The following KLRG1 variants were observed in gnomAD, a reference collection of about 807,000 sequenced individuals.
KLRG1 encodes the protein killer cell lectin like receptor G1, also known as killer cell lectin-like receptor subfamily G member 1.
A neutral mutation model predicts 21.8 loss-of-function variants in KLRG1; 16 were observed. That is an observed-to-expected ratio of 0.73 (90% CI 0.50 to 1.11). KLRG1 has a LOEUF of 1.11. Ranked by LOEUF, KLRG1 falls within the 50% of genes most tolerant of loss-of-function variation. The pLI, the probability that KLRG1 is intolerant of heterozygous loss-of-function variation, is 0.00. For missense variants in KLRG1, 173 were observed against 218.3 expected (o/e 0.79, Z 1.31); for synonymous variants, 69 against 75.9 (o/e 0.91, Z 0.47).
At chr12:8,965,213 A>G (rs1592240397) in intron 1 of KLRG1, among the ~76,000 whole-genome samples, 1 of 152,192 alleles carries the variant, frequency 6.6e-6, no homozygotes, top group East Asian at 1.9e-4. Flanking sequence ...ATCTATGACA[A>G]ACCCACAGCT....
chr12:9,188,769 C>G, the KLRG1 span, among the ~76,000 whole-genome samples: 15 of 152,292 alleles, frequency 9.8e-5, no homozygotes, highest in African/African-American at 3.1e-4. Context: ...CAAGCAATCC[C>G]ATTCACAATT....
chr12:9,132,698 A>G, the KLRG1 span, among the ~76,000 whole-genome samples: 2 of 152,140 alleles, frequency 1.3e-5, no homozygotes, highest in Non-Finnish European at 2.9e-5. Context: ...TGGATTTCAA[A>G]TGTACGTGAT....
At chr12:9,188,783 A>G in the KLRG1 span, among the ~76,000 whole-genome samples, 1 of 152,370 alleles carries the variant, frequency 6.6e-6, no homozygotes, top group Non-Finnish European at 1.5e-5. Context: ...CACAATTGTC[A>G]CAGAAAGAAT....
At chr12:9,006,910 T>C (rs1169837172) in intron 3 of KLRG1, among the ~76,000 whole-genome samples, 1 of 152,164 alleles carries the variant, frequency 6.6e-6, no homozygotes, top group Non-Finnish European at 1.5e-5. Context: ...TGCCATACTG[T>C]ATATTCAGTA....
chr12:9,212,990 C>G, the KLRG1 span, among the ~76,000 whole-genome samples: 1 of 152,170 alleles, frequency 6.6e-6, no homozygotes, highest in Non-Finnish European at 1.5e-5. Flanking sequence ...CGTGCATTCT[C>G]TGCAAACACT....
At chr12:8,972,693 A>G (rs1376142723) in intron 1 of KLRG1, among the ~76,000 whole-genome samples, 6 of 152,170 alleles carry the variant, frequency 3.9e-5, no homozygotes, top group African/African-American at 1.4e-4. Flanking sequence ...TGGCAGTATT[A>G]TACTATTTTG....
At chr12:9,009,133 A>G in intron 4 of KLRG1, 58 bp downstream of exon 4, 1 of 1,309,966 alleles carries the variant, frequency 7.6e-7, no homozygotes, top group Non-Finnish European at 1.1e-6. Flanking sequence ...AAGCCAAATT[A>G]TGATACTTGG....
the KLRG1 span, among the ~76,000 whole-genome samples, chr12:9,057,063 A>T: frequency 6.6e-6 from 1 of 152,210 alleles, no homozygotes; most frequent in Non-Finnish European, 1.5e-5. Context: ...ATAGGCTTAC[A>T]TATCAATATA....
the KLRG1 span, among the ~76,000 whole-genome samples, chr12:9,113,839 T>G: frequency 6.6e-6 from 1 of 152,256 alleles, no homozygotes; most frequent in Admixed American, 6.5e-5. Flanking sequence ...AAATATGTAG[T>G]TACATTTGTT....
At chr12:9,202,022 A>C in the KLRG1 span, among the ~76,000 whole-genome samples, 1 of 152,198 alleles carries the variant, frequency 6.6e-6, no homozygotes, top group Non-Finnish European at 1.5e-5. Flanking sequence ...CCTTGAAAGT[A>C]TGAATAGGAA....
At chr12:8,995,627 C>G (rs1026933202) in intron 3 of KLRG1, among the ~76,000 whole-genome samples, 1 of 150,966 alleles carries the variant, frequency 6.6e-6, no homozygotes, top group African/African-American at 2.4e-5. Context: ...AAATACAGGT[C>G]TAGTTAAAAG....
chr12:9,153,305 T>C, the KLRG1 span: 2 of 1,613,936 alleles, frequency 1.2e-6, no homozygotes, highest in Non-Finnish European at 1.7e-6. Context: ...AAGTGGCTGC[T>C]CCATACCTGG....
chr12:9,184,761 CA>C, the KLRG1 span, among the ~76,000 whole-genome samples: 2 of 152,176 alleles, frequency 1.3e-5, no homozygotes, highest in African/African-American at 4.8e-5. Flanking sequence ...AGCCAGATAC[CA>C]GTTCCCCAGA....
the KLRG1 span, among the ~76,000 whole-genome samples, chr12:9,121,410 G>T: frequency 6.6e-6 from 1 of 152,006 alleles, no homozygotes; most frequent in African/African-American, 2.4e-5. The surrounding 1 kb of genome is among the most constrained non-coding windows in gnomAD (Gnocchi z 4.4). Context: ...GTGTGGTGGC[G>T]TGCGCCTGTA....
the KLRG1 span, chr12:9,162,208 C>T: frequency 1.2e-4 from 20 of 162,134 alleles, no homozygotes; most frequent in Admixed American, 1.3e-4. Flanking sequence ...GTCATCCTCC[C>T]GCCTCAGCCT....
chr12:9,010,447 T>A lies in KLRG1; in HGVS notation c.*910T>A, dbSNP rs1282434147. The A allele has an allele frequency of 6.2e-6, 1 of 160,314 alleles. No homozygotes were observed. Among genetic ancestry groups the A allele is most frequent in the African/African-American group, 2.4e-5 (1 of 41,554 alleles). The allele number at this position is 160,314 out of a possible 1,614,324, so 9.9% of individuals were successfully genotyped here. On this transcript the variant is annotated 3_prime_UTR_variant, in exon 5 of 5. Transcript: ENST00000356986. ...TAAGGCATTTTCATAGAGGAAAGTT[T>A]ACAGAAACAGTTTATGTGGTTGGAT...
chr12:9,091,184 A>C, the KLRG1 span: 16 of 1,607,490 alleles, frequency 1.0e-5, no homozygotes, highest in Middle Eastern at 1.6e-4. Flanking sequence ...TATTTAATTT[A>C]GGAAAGAGAT....
At chr12:9,024,453 A>G in the KLRG1 span, among the ~76,000 whole-genome samples, 1 of 152,040 alleles carries the variant, frequency 6.6e-6, no homozygotes, top group African/African-American at 2.4e-5. Context: ...TAGTTCTCCA[A>G]CTTTGTTTTT....
At chr12:9,039,199 G>A in the KLRG1 span, among the ~76,000 whole-genome samples, 3 of 152,148 alleles carry the variant, frequency 2.0e-5, no homozygotes, top group South Asian at 2.1e-4. Context: ...TTATCTCTTC[G>A]CCTCCGCGTC....
Sources: gnomAD v4.1 joint callset for allele counts (sites outside exome capture counted in the v4.1 genomes callset) on GRCh38, gnomAD v4.1.1 for gene constraint, Gnocchi (gnomAD v3.1) non-coding constraint, MANE v1.5 for transcripts, NCBI Gene and HGNC (gene_info 2026-07-23, HGNC 2026-07-21) for gene names.